Variants in BANK1 observed in about 807,000 individuals in gnomAD.
BANK1 encodes the protein B cell scaffold protein with ankyrin repeats 1.
Under a neutral mutation model 94.5 loss-of-function variants are expected in BANK1, and 95 were observed. The observed-to-expected ratio is 1.00, with a 90% CI of 0.85 to 1.19. The LOEUF (loss-of-function observed/expected upper bound fraction) is 1.19. Among genes scored for constraint, BANK1 ranks in the 50% most tolerant of loss-of-function variants. The pLI is 0.00. For synonymous variants in BANK1, 334 were observed against 308.4 expected, an observed-to-expected ratio of 1.08 and a Z score of -0.87; for missense variants, 987 against 932.2, an observed-to-expected ratio of 1.06 and a Z score of -0.77.
At chr4:101,994,830 T>C (rs555191311) in intron 7 of BANK1, among the ~76,000 whole-genome samples, 56 of 152,258 alleles carry the variant, frequency 3.7e-4, no homozygotes, top group Non-Finnish European at 6.9e-4. Flanking sequence ...AGAAGTTTCA[T>C]GGGGTCACAG....
chr4:101,963,305 A>G (rs978924927), intron 7 of BANK1, among the ~76,000 whole-genome samples: 5 of 152,110 alleles, frequency 3.3e-5, no homozygotes, highest in African/African-American at 9.7e-5. Flanking sequence ...CTACCAATTA[A>G]TATTTGTATT....
chr4:101,954,146 T>A (rs1724262059), intron 7 of BANK1, among the ~76,000 whole-genome samples: 1 of 152,174 alleles, frequency 6.6e-6, no homozygotes, highest in Non-Finnish European at 1.5e-5. Context: ...TGTGTATCTC[T>A]GTGTCCGTGT....
intron 5 of BANK1, among the ~76,000 whole-genome samples, chr4:101,886,326 G>T (rs1728854057): frequency 6.6e-6 from 1 of 152,170 alleles, no homozygotes; most frequent in Non-Finnish European, 1.5e-5. Context: ...TCTGGCTGAA[G>T]CAGAAACAGC....
At chr4:101,995,209 TC>T (rs1282548937) in intron 7 of BANK1, among the ~76,000 whole-genome samples, 5 of 152,128 alleles carry the variant, frequency 3.3e-5, no homozygotes, top group African/African-American at 1.2e-4. Context: ...GGTTTTCTGT[TC>T]CTGTGTTAGT....
chr4:101,976,650 A>G (rs1302731602), intron 7 of BANK1, among the ~76,000 whole-genome samples: 1 of 152,162 alleles, frequency 6.6e-6, no homozygotes, highest in Admixed American at 6.6e-5. Context: ...TATAAATTTC[A>G]TTTGATTATC....
chr4:101,838,221 A>C (rs534550670), intron 2 of BANK1, among the ~76,000 whole-genome samples: 17 of 152,248 alleles, frequency 1.1e-4, no homozygotes, highest in African/African-American at 4.1e-4. Context: ...GGCCTTCCAA[A>C]GTGGTGGGAT....
intron 7 of BANK1, among the ~76,000 whole-genome samples, chr4:102,016,035 A>G (rs1222824405): frequency 6.6e-6 from 1 of 152,140 alleles, no homozygotes; most frequent in African/African-American, 2.4e-5. Flanking sequence ...CCATCCACGA[A>G]GTATTCTTGC....
At chr4:101,855,231 T>C (rs773089299) in intron 3 of BANK1, 42 bp downstream of exon 3, 1 of 1,571,194 alleles carries the variant, frequency 6.4e-7, no homozygotes, top group Non-Finnish European at 8.7e-7. Flanking sequence ...CCCATTGTGT[T>C]ATGGTGGTGG....
intron 3 of BANK1, among the ~76,000 whole-genome samples, 153 bp from the exon 4 acceptor site, chr4:101,862,373 G>A (rs1375967533): frequency 1.3e-5 from 2 of 152,100 alleles, no homozygotes; most frequent in Non-Finnish European, 2.9e-5. Flanking sequence ...TCACATTTAT[G>A]TATTTTATTT....
chr4:101,995,219 G>C (rs1367208046), intron 7 of BANK1, among the ~76,000 whole-genome samples: 2 of 152,072 alleles, frequency 1.3e-5, no homozygotes, highest in Non-Finnish European at 2.9e-5. Context: ...TCCTGTGTTA[G>C]TTTGCTGAGA....
intron 2 of BANK1, among the ~76,000 whole-genome samples, chr4:101,843,592 A>G (rs1177884681): frequency 6.6e-6 from 1 of 152,146 alleles, no homozygotes; most frequent in African/African-American, 2.4e-5. Context: ...TTCTGTGTCT[A>G]GTATATTGTC....
chr4:101,875,597 A>G (rs368342686), intron 5 of BANK1, among the ~76,000 whole-genome samples: 2 of 152,076 alleles, frequency 1.3e-5, no homozygotes, highest in African/African-American at 4.8e-5. Context: ...CCATGATCCA[A>G]TCACCTCCCA....
intron 6 of BANK1, among the ~76,000 whole-genome samples, chr4:101,901,907 C>A (rs896640589): frequency 1.3e-5 from 2 of 152,090 alleles, no homozygotes; most frequent in African/African-American, 4.8e-5. Context: ...ACTACAGGCG[C>A]CCGCCAACAC....
chr4:101,881,636 T>G (rs1728680715), intron 5 of BANK1, among the ~76,000 whole-genome samples: 1 of 152,082 alleles, frequency 6.6e-6, no homozygotes, highest in Non-Finnish European at 1.5e-5. Context: ...TGCAGCACTG[T>G]TCAAAATAGC....
chr4:101,866,526 C>A (rs922850939), intron 4 of BANK1, among the ~76,000 whole-genome samples: 1 of 151,984 alleles, frequency 6.6e-6, no homozygotes, highest in East Asian at 1.9e-4. Flanking sequence ...AAAATATTGA[C>A]ACCTATTCAT....
chr4:101,882,100 T>G (rs754362063), intron 5 of BANK1, among the ~76,000 whole-genome samples: 2 of 152,152 alleles, frequency 1.3e-5, no homozygotes, highest in Non-Finnish European at 2.9e-5. Flanking sequence ...ACACAAAGGA[T>G]AAATGCTTGA....
chr4:101,946,938 T>C (rs1405150578), intron 7 of BANK1, among the ~76,000 whole-genome samples: 1 of 151,934 alleles, frequency 6.6e-6, no homozygotes, highest in Non-Finnish European at 1.5e-5. Context: ...TTCTTTATTT[T>C]CTTTTATGAT....
At chr4:101,794,541 C>T (rs7691030) in intron 1 of BANK1, among the ~76,000 whole-genome samples, 93,493 of 151,916 alleles carry the variant, frequency 0.62, 29,460 homozygotes, top group African/African-American at 0.75. Flanking sequence ...TTTCATAAGT[C>T]ATCATTTAAA....
intron 6 of BANK1, among the ~76,000 whole-genome samples, chr4:101,903,719 G>A (rs1722355155): frequency 6.6e-6 from 1 of 152,162 alleles, no homozygotes; most frequent in African/African-American, 2.4e-5. Context: ...GCCTAGAGCA[G>A]GTCGTATGCA....
Sources: allele counts gnomAD v4.1 joint callset (sites outside exome capture counted in the v4.1 genomes callset), GRCh38; gene constraint gnomAD v4.1.1; transcripts MANE v1.5; gene names NCBI Gene and HGNC (gene_info 2026-07-23, HGNC 2026-07-21).